Variants in MATK observed in about 807,000 individuals in gnomAD.
The protein encoded by MATK is megakaryocyte-associated tyrosine-protein kinase.
A neutral mutation model predicts 59.8 loss-of-function variants in MATK; 41 were observed. The observed-to-expected ratio is 0.69, with a 90% CI of 0.53 to 0.89. The LOEUF (loss-of-function observed/expected upper bound fraction) is 0.89. Ranked by LOEUF, MATK falls within the 40% of genes least tolerant of loss-of-function variation. MATK has a pLI of 0.00. For synonymous variants in MATK, 308 were observed against 306.1 expected (o/e 1.01, Z -0.06); for missense variants, 593 against 719.6 (o/e 0.82, Z 2.01).
chr19:3,779,069 C>A lies in MATK; in HGVS notation c.1120G>T (p.Ala374Ser). 6.2e-7 allele frequency: 1 copy of A among 1,607,982 alleles called. No homozygotes were observed. Among genetic ancestry groups the A allele is most frequent in the Non-Finnish European group, 8.5e-7 (1 of 1,178,904 alleles). ...TCTAGCCCCTTCCGCTCGGCTTTGG[C>A]CAGGCCAAAGTCGCTGACCTTGGCC... ...LVAKVSDFGL[A>S]KAERKGLDSS... The change falls in exon 12 of 14, where the codon GCC (alanine) becomes TCC (serine). Residue 374 changes from alanine (A) to serine (S), a missense_variant. By Grantham distance (99) the Ala-to-Ser change is moderately conservative (BLOSUM62 1). Coordinates refer to ENST00000310132, the MANE Select transcript of MATK (RefSeq NM_139355.3).
rs200123258 is a variant in MATK at position 3,778,521 on chromosome 19, C to T, written c.1272G>A (p.Pro424=). The change falls in exon 13 of 14, where the codon CCG becomes CCA. Residue 424 remains proline (P), a synonymous_variant. Coordinates refer to ENST00000310132, the MANE Select transcript of MATK (RefSeq NM_139355.3). ...GACCCCCGCTCACCATTTTAGGGTA[C>T]GGAGCCCGTCCATATGAGAAGACCT... The part of the protein sequence containing the change: ...LWEVFSYGRA[P]YPKMSLKEVS... 129 of 1,613,740 alleles carry T rather than the reference C, an allele frequency of 8.0e-5. No individual in the cohort carries two copies. Among genetic ancestry groups the T allele is most frequent in the Admixed American group, 1.8e-4 (11 of 59,980 alleles).
intron 1 of MATK, among the ~76,000 whole-genome samples, chr19:3,795,276 CTT>C (rs35580481): frequency 3.1e-5 from 4 of 127,878 alleles, no homozygotes; most frequent in African/African-American, 3.0e-5. Context: ...CAAGCCTGGC[CTT>C]TTTTTTTTTT....
upstream of MATK, among the ~76,000 whole-genome samples, chr19:3,786,624 C>A (rs375330241): frequency 6.0e-5 from 9 of 151,228 alleles, no homozygotes; most frequent in Non-Finnish European, 1.0e-4. The surrounding 1 kb of genome is among the most constrained non-coding windows in gnomAD (Gnocchi z 4.1). Context: ...GTGAGCTGCC[C>A]GTCCGGGGAG....
Position 3,799,233 on chromosome 19 carries a change from C to G in MATK, c.-58+2299G>C, listed in dbSNP as rs980675801. Among the ~76,000 whole-genome samples, 4 of 152,100 alleles carry G rather than the reference C, an allele frequency of 2.6e-5. No homozygotes were observed. In the South Asian group the frequency reaches 8.3e-4, roughly 31 times the overall value. On this transcript the variant is annotated intron_variant, in intron 1 of 13. Transcript: ENST00000395045. ...ACTGAATTCTCCTCACAGCTCTCTG[C>G]ACAGTTGGGGACTACCAGTTTGACC...
intron 3 of MATK, 76 bp from the exon 4 acceptor site, chr19:3,784,527 G>C (rs761463235): frequency 8.1e-6 from 8 of 991,854 alleles, no homozygotes; most frequent in Non-Finnish European, 1.2e-5. Flanking sequence ...GGAGGGGAAA[G>C]AGGACAGGAG....
In MATK at chr19:3,785,587, A is replaced by T. The variant is rs2145102823; in HGVS notation, c.-151-301T>A. ...CCCCTCCAAGATGCGCCTCCCATGA[A>T]ATCCTCCAGTCCCACGTGTACTCAC... On this transcript the variant is annotated intron_variant, in intron 1 of 13. Coordinates refer to ENST00000310132, the MANE Select transcript of MATK (RefSeq NM_139355.3). 3 of 229,308 alleles carry T rather than the reference A, an allele frequency of 1.3e-5. No individual in the cohort carries two copies. In the East Asian group the frequency reaches 3.4e-4, roughly 26 times the overall value. The allele number at this position is 229,308 out of a possible 1,614,324, so 14.2% of individuals were successfully genotyped here. A position where few individuals can be genotyped will look rare whatever the true frequency, so the allele number is the denominator to read the frequency against.
At chr19:3,778,938 C>G (rs1473815637) in intron 12 of MATK, 54 bp downstream of exon 12, 2 of 1,483,694 alleles carry the variant, frequency 1.3e-6, no homozygotes, top group Non-Finnish European at 1.8e-6. Context: ...CAGGGTCATA[C>G]AGCAGAGCTG....
At chr19:3,786,415 C>G, upstream of MATK, 1 of 979,656 alleles carries the variant, frequency 1.0e-6, no homozygotes, top group South Asian at 4.6e-5. This position sits in a 1 kb window ranked among gnomAD's most constrained non-coding sequence, Gnocchi z 4.1. Flanking sequence ...CCGCCGCCGG[C>G]CCCTCCCCGC....
intron 1 of MATK, among the ~76,000 whole-genome samples, chr19:3,792,165 C>G (rs1599206353): frequency 6.6e-6 from 1 of 151,806 alleles, no homozygotes; most frequent in East Asian, 1.9e-4. Flanking sequence ...CAAGACTACT[C>G]ATCCTTGATC....
intron 1 of MATK, among the ~76,000 whole-genome samples, chr19:3,795,179 G>C (rs1450040587): frequency 6.6e-6 from 1 of 151,134 alleles, no homozygotes; most frequent in Non-Finnish European, 1.5e-5. Flanking sequence ...GGATTTCATC[G>C]TGTTAGCCAG....
intron 8 of MATK, 28 bp downstream of exon 8, chr19:3,781,579 A>C (rs200493766): frequency 4.0e-5 from 64 of 1,612,940 alleles, no homozygotes; most frequent in Non-Finnish European, 5.3e-5. Flanking sequence ...ATCTTCCTTC[A>C]GCACCCCCAA....
intron 8 of MATK, 128 bp downstream of exon 8, chr19:3,781,479 T>C (rs1254897509): frequency 3.2e-6 from 3 of 948,660 alleles, no homozygotes; most frequent in African/African-American, 1.6e-5. Flanking sequence ...GCTCAGAGGA[T>C]TTGCACGTCT....
chr19:3,783,931 G>A lies in MATK; in HGVS notation c.465C>T (p.Asp155=). ...GGCCAAAGCTCACGCACAGGACGTA[G>A]TCGCCGGGGTGGCGCGCGGACTCCC... ...LVRESARHPG[D]YVLCVSFGRD... is the part of the protein sequence containing the mutation. The change falls in exon 6 of 14, where the codon GAC becomes GAT. Residue 155 remains aspartate, a synonymous_variant. Coordinates refer to ENST00000310132, the MANE Select transcript of MATK (RefSeq NM_139355.3). The A allele has an allele frequency of 6.2e-7, 1 of 1,612,786 alleles. No individual in the cohort carries two copies. Among genetic ancestry groups the A allele is most frequent in the South Asian group, 1.1e-5 (1 of 91,066 alleles).
At chr19:3,785,478 A>G in intron 1 of MATK, 192 bp from the exon 2 acceptor site, 1 of 369,570 alleles carries the variant, frequency 2.7e-6, no homozygotes, top group South Asian at 2.7e-5. Flanking sequence ...TCATTGCTGC[A>G]GGGGTGGGGG....
chr19:3,795,661 C>T (rs760380629), intron 1 of MATK, among the ~76,000 whole-genome samples: 9 of 149,202 alleles, frequency 6.0e-5, no homozygotes, highest in Non-Finnish European at 8.9e-5. Context: ...AGGAGTTGTG[C>T]GGATACAGAT....
Position 3,778,155 on chromosome 19 carries a change from C to G in MATK, c.*28G>C. The G allele has an allele frequency of 6.5e-7, 1 of 1,536,112 alleles. No homozygotes were observed. The highest frequency in any genetic ancestry group is 8.7e-7 in the Non-Finnish European group (1 of 1,146,180). ...CCGCACTCTCCACTCTCTCGGTCCT[C>G]TGGGGCCAAGGGCCCCACCGGGTGG... On this transcript the variant is annotated 3_prime_UTR_variant, in exon 14 of 14. Coordinates refer to ENST00000310132, the MANE Select transcript of MATK (RefSeq NM_139355.3).
chr19:3,782,641 G>A (rs1285013587), intron 7 of MATK, among the ~76,000 whole-genome samples: 1 of 152,192 alleles, frequency 6.6e-6, no homozygotes, highest in Admixed American at 6.5e-5. Context: ...GGCAGGTTCT[G>A]GAAGGTGGTG....
intron 1 of MATK, among the ~76,000 whole-genome samples, chr19:3,801,139 T>C (rs1027876378): frequency 3.3e-5 from 5 of 152,186 alleles, no homozygotes; most frequent in African/African-American, 7.2e-5. Context: ...GCCCGGCCGA[T>C]GCTTCCTAAT....
chr19:3,782,867 T>G (rs1599197701), intron 7 of MATK: 1 of 499,542 alleles, frequency 2.0e-6, no homozygotes, highest in South Asian at 2.5e-5. Context: ...ATGGGGTGGG[T>G]GGAGGTTCGG....
Sources: allele counts gnomAD v4.1 joint callset (sites outside exome capture counted in the v4.1 genomes callset), GRCh38; gene constraint gnomAD v4.1.1; non-coding constraint Gnocchi (gnomAD v3.1); transcripts MANE v1.5; gene names NCBI Gene and HGNC (gene_info 2026-07-23, HGNC 2026-07-21).